Variants in MEGF10 observed in about 807,000 individuals in gnomAD.
MEGF10 encodes multiple epidermal growth factor-like domains protein 10.
In MEGF10, 86 loss-of-function variants were observed where a neutral mutation model predicts 147.5. The ratio of observed to expected loss-of-function variants is 0.58; its 90% CI spans 0.49 to 0.70. The LOEUF is 0.70. Ranked by LOEUF, MEGF10 falls within the 30% of genes least tolerant of loss-of-function variation. The probability of loss-of-function intolerance (pLI) is 0.00; values close to 1 mark genes in which losing one functional copy is unlikely to be tolerated. For missense variants in MEGF10, 1,329 were observed against 1,487.3 expected (o/e 0.89, Z 1.75); for synonymous variants, 478 against 525.5 (o/e 0.91, Z 1.24).
At chr5:127,300,034 G>A (rs575787182) in intron 1 of MEGF10, 10 of 152,248 alleles carry the variant, frequency 6.6e-5, no homozygotes, top group African/African-American at 1.9e-4. Context: ...AGAAGCAAGC[G>A]GATTTCAGAG....
At chr5:127,317,707 A>T (rs936508999) in intron 1 of MEGF10, among the ~76,000 whole-genome samples, 1 of 152,182 alleles carries the variant, frequency 6.6e-6, no homozygotes, top group African/African-American at 2.4e-5. Context: ...CAATGAGAAC[A>T]CTTGGACACA....
At chr5:127,398,845 C>T (rs775208035) in intron 7 of MEGF10, 49 bp downstream of exon 7, 9 of 1,611,280 alleles carry the variant, frequency 5.6e-6, no homozygotes, top group Non-Finnish European at 7.6e-6. Flanking sequence ...GTCACCCATT[C>T]CAGGATACTC....
the MEGF10 span, among the ~76,000 whole-genome samples, chr5:127,236,113 C>T: frequency 6.6e-6 from 1 of 152,208 alleles, no homozygotes; most frequent in Non-Finnish European, 1.5e-5. Context: ...GCTGGGACTA[C>T]AGGCACGCGC....
chr5:127,277,637 G>A, the MEGF10 span, among the ~76,000 whole-genome samples: 4 of 152,146 alleles, frequency 2.6e-5, no homozygotes, highest in Non-Finnish European at 5.9e-5. Context: ...CACTGGGAGT[G>A]GTTGGTGGAG....
At chr5:127,422,574 G>T in intron 12 of MEGF10, 96 bp from the exon 13 acceptor site, 1 of 873,838 alleles carries the variant, frequency 1.1e-6, no homozygotes, top group South Asian at 1.4e-5. Flanking sequence ...GGACAGCAGG[G>T]TACTGTATGT....
At chr5:127,404,842 A>G (rs1764266233) in intron 8 of MEGF10, among the ~76,000 whole-genome samples, 1 of 151,592 alleles carries the variant, frequency 6.6e-6, no homozygotes. Context: ...CAGCCTCCCT[A>G]GTAGTTGGGA....
At chr5:127,250,703 A>G in the MEGF10 span, among the ~76,000 whole-genome samples, 1 of 152,056 alleles carries the variant, frequency 6.6e-6, no homozygotes, top group Non-Finnish European at 1.5e-5. Flanking sequence ...AACATGACAC[A>G]TAAATATTAT....
chr5:127,324,034 G>C (rs1400813547), intron 1 of MEGF10, among the ~76,000 whole-genome samples: 1 of 152,144 alleles, frequency 6.6e-6, no homozygotes, highest in Non-Finnish European at 1.5e-5. Context: ...ATATTCTGTT[G>C]GTTATAGAAG....
the MEGF10 span, among the ~76,000 whole-genome samples, chr5:127,250,265 T>A: frequency 2.0e-5 from 3 of 151,962 alleles, no homozygotes; most frequent in Non-Finnish European, 4.4e-5. Context: ...TAAACGTGTA[T>A]TTACCTAATA....
rs769248944 is a variant in MEGF10, at chr5:127,410,579, T to C, written c.1108T>C (p.Cys370Arg). 1.2e-5 allele frequency: 20 copies of C among 1,609,416 alleles called. No individual in the cohort carries two copies. The highest frequency in any genetic ancestry group is 1.7e-5 in the Non-Finnish European group (20 of 1,179,624). The change falls in exon 9 of 25, where the codon TGC (cysteine) becomes CGC (arginine). Residue 370 changes from cysteine (C) to arginine (R), a missense_variant. Cys to Arg is a radical substitution (Grantham distance 180). Transcript: ENST00000503335. ...CATCAAATGTGACAAACGGTGTCCCTGCCACCTGGAAAACACTCATAGGTG... is the reference window on the plus strand; with the variant it reads ...CATCAAATGTGACAAACGGTGTCCCCGCCACCTGGAAAACACTCATAGGTG... The part of the protein sequence containing the change: ...YGIKCDKRCP[C>R]HLENTHSCHP...
chr5:127,261,115 T>C, the MEGF10 span, among the ~76,000 whole-genome samples: 1 of 152,176 alleles, frequency 6.6e-6, no homozygotes, highest in Non-Finnish European at 1.5e-5. Flanking sequence ...TAACATACAA[T>C]CCAATCATTT....
the MEGF10 span, among the ~76,000 whole-genome samples, chr5:127,274,552 G>A: frequency 6.6e-6 from 1 of 151,940 alleles, no homozygotes; most frequent in Non-Finnish European, 1.5e-5. Context: ...AATGTAGGTG[G>A]TGGAAACTAT....
At chr5:127,230,515 G>A in the MEGF10 span, among the ~76,000 whole-genome samples, 1 of 152,050 alleles carries the variant, frequency 6.6e-6, no homozygotes, top group Non-Finnish European at 1.5e-5. Context: ...TTCATCCTTG[G>A]AGAAAAGTCC....
rs12654455 is a variant in MEGF10 at position 127,339,177 on chromosome 5, G to T, written c.174G>T (p.Thr58=). The T allele has an allele frequency of 3.5e-5, 56 of 1,612,320 alleles. No individual in the cohort carries two copies. The African/African-American group carries it at 5.5e-4, about 16-fold the overall frequency. The change falls in exon 3 of 25, where the codon ACG becomes ACT. Residue 58 remains threonine (T), a synonymous_variant. Transcript: ENST00000503335. ...ATCCCTTTGATCAAATTTACTACACGAGCTGCACTGACATTCTAAACTGGT... is the reference window on the plus strand; with the variant it reads ...ATCCCTTTGATCAAATTTACTACACTAGCTGCACTGACATTCTAAACTGGT... ...YPHPFDQIYY[T]SCTDILNWFK...
intron 5 of MEGF10, among the ~76,000 whole-genome samples, chr5:127,374,085 A>G (rs1204680035): frequency 6.6e-6 from 1 of 152,184 alleles, no homozygotes; most frequent in Non-Finnish European, 1.5e-5. Flanking sequence ...TATGCTAGAG[A>G]AGCTGTCCGT....
chr5:127,399,693 C>T (rs939358882), intron 7 of MEGF10, among the ~76,000 whole-genome samples: 7 of 152,138 alleles, frequency 4.6e-5, no homozygotes, highest in Non-Finnish European at 8.8e-5. Flanking sequence ...TGAGTACCAA[C>T]CTCCCTTCCT....
upstream of MEGF10, among the ~76,000 whole-genome samples, chr5:127,287,289 G>A (rs1759057900): frequency 6.6e-6 from 1 of 151,928 alleles, no homozygotes; most frequent in African/African-American, 2.4e-5. Flanking sequence ...CCTATCCAGT[G>A]AAATAAGGCA....
chr5:127,433,249 C>A, intron 13 of MEGF10, 114 bp from the exon 14 acceptor site: 1 of 1,243,778 alleles, frequency 8.0e-7, no homozygotes. Context: ...CCATTCATTG[C>A]TGCTGGTGAT....
chr5:127,427,631 A>T (rs1765246494), intron 13 of MEGF10, among the ~76,000 whole-genome samples: 2 of 152,062 alleles, frequency 1.3e-5, no homozygotes, highest in South Asian at 4.1e-4. Context: ...CCACAAGGAA[A>T]GCTCTCCTTT....
Sources: gnomAD v4.1 joint callset for allele counts (sites outside exome capture counted in the v4.1 genomes callset) on GRCh38, gnomAD v4.1.1 for gene constraint, MANE v1.5 for transcripts, NCBI Gene and HGNC (gene_info 2026-07-23, HGNC 2026-07-21) for gene names.